Variants in PLA2G2F observed in about 807,000 individuals in gnomAD.
PLA2G2F encodes the protein group IIF secretory phospholipase A2.
A neutral mutation model predicts 15.9 loss-of-function variants in PLA2G2F; 17 were observed. The ratio of observed to expected loss-of-function variants is 1.07; its 90% CI spans 0.73 to 1.60. The LOEUF is 1.60. PLA2G2F is among the 40% of genes most tolerant of loss of function. PLA2G2F has a pLI of 0.00. For synonymous variants in PLA2G2F, 119 were observed against 106.5 expected (o/e 1.12, Z -0.72); for missense variants, 299 against 278.2 (o/e 1.07, Z -0.53).
Position 20,149,391 on chromosome 1 carries a change from G to A in PLA2G2F, c.*990G>A, listed in dbSNP as rs2017683884. 1 of 152,340 alleles carries A rather than the reference G, an allele frequency of 6.6e-6. No homozygotes were observed. The highest frequency in any genetic ancestry group is 6.5e-5 in the Admixed American group (1 of 15,292). 9.4% of individuals were successfully genotyped at this position (152,340 alleles called of 1,614,324 possible). On this transcript the variant is annotated 3_prime_UTR_variant, in exon 5 of 5. Coordinates refer to ENST00000375102, the MANE Select transcript of PLA2G2F (RefSeq NM_022819.4). ...CTGGAACAGCAGCCAGAACACCGGA[G>A]GGGGACCCACACCCTCTCTCCCTGG...
chr1:20,143,392 G>A (rs2017516213), intron 2 of PLA2G2F, 54 bp from the exon 3 acceptor site: 1 of 1,592,136 alleles, frequency 6.3e-7, no homozygotes, highest in Non-Finnish European at 8.6e-7. Context: ...GAGAGAGGCT[G>A]GGAGCGGCCA....
At chr1:20,140,313 C>A in intron 2 of PLA2G2F, 95 bp downstream of exon 2, 1 of 1,354,314 alleles carries the variant, frequency 7.4e-7, no homozygotes, top group Non-Finnish European at 1.0e-6. Flanking sequence ...ACTGACCAGC[C>A]TAGGTTCCTT....
chr1:20,141,071 G>A (rs1025829318), intron 2 of PLA2G2F: 3 of 152,266 alleles, frequency 2.0e-5, no homozygotes, highest in African/African-American at 7.2e-5. Flanking sequence ...AGACGTGAGA[G>A]AGGGCTGGTT....
Position 20,140,168 on chromosome 1 carries a change from C to G in PLA2G2F, c.119C>G (p.Ser40Cys), listed in dbSNP as rs1171731893. 1 of 1,613,800 alleles carries G rather than the reference C, an allele frequency of 6.2e-7. No individual in the cohort carries two copies. Among genetic ancestry groups the G allele is most frequent in the Non-Finnish European group, 8.5e-7 (1 of 1,179,862 alleles). ...GASCPSRTSRSSLGMKKFFTV... is the reference protein window; with the variant it reads ...GASCPSRTSRCSLGMKKFFTV... ...CTCCGGGTTTCGTCCTCCCTCAGGT[C>G]TAGCCTGGGTATGAAGAAGTTCTTC... Residue 40 changes from serine (S) to cysteine (C), a missense_variant and splice_region_variant, in exon 2 of 5, where the codon TCT becomes TGT. By Grantham distance (112) the Ser-to-Cys change is moderately radical. Transcript: ENST00000375102.
intron 4 of PLA2G2F, 70 bp from the exon 5 acceptor site, chr1:20,148,120 C>T: frequency 7.7e-7 from 1 of 1,291,122 alleles, no homozygotes; most frequent in Non-Finnish European, 1.1e-6. Context: ...TGCTCCCCTT[C>T]CCCAGCAGTA....
chr1:20,143,647 A>G (rs756333740), intron 3 of PLA2G2F, 57 bp downstream of exon 3: 4 of 1,585,910 alleles, frequency 2.5e-6, no homozygotes, highest in Non-Finnish European at 3.4e-6. Flanking sequence ...GCTGAAGGTC[A>G]GACTGACCTT....
In PLA2G2F at chr1:20,148,515, C is replaced by G. The variant is rs2017662388; in HGVS notation, c.*114C>G. ...CCTGAGGGTTGCTGGTTGCCTCCTC[C>G]CTGGAGCTCTCCAGTGAGGGCTCAG... On this transcript the variant is annotated 3_prime_UTR_variant, in exon 5 of 5. Coordinates refer to ENST00000375102, the MANE Select transcript of PLA2G2F (RefSeq NM_022819.4). 1 of 834,754 alleles carries G rather than the reference C, an allele frequency of 1.2e-6. No homozygotes were observed. The highest frequency in any genetic ancestry group is 2.6e-5 in the East Asian group (1 of 37,954). 51.7% of individuals were successfully genotyped at this position (834,754 alleles called of 1,614,324 possible).
chr1:20,144,578 A>T lies in PLA2G2F; in HGVS notation c.315-2A>T, dbSNP rs1431561962. 6.2e-7 allele frequency: 1 copy of T among 1,606,868 alleles called. No individual in the cohort carries two copies. Among genetic ancestry groups the T allele is most frequent in the Non-Finnish European group, 8.5e-7 (1 of 1,176,286 alleles). On this transcript the variant is annotated splice_acceptor_variant, in intron 3 of 4. Coordinates refer to ENST00000375102, the MANE Select transcript of PLA2G2F (RefSeq NM_022819.4). LOFTEE classifies it high-confidence loss of function. ...TGTCCACTCACCTCTGCCGCTCCCT[A>T]GGTGCTGCCACGCCCACGACTGCTG...
At chr1:20,146,734 C>T (rs908787559) in intron 4 of PLA2G2F, among the ~76,000 whole-genome samples, 5 of 152,122 alleles carry the variant, frequency 3.3e-5, no homozygotes, top group Admixed American at 3.3e-4. Context: ...ACTTGGGACC[C>T]CTTGGGGGCC....
chr1:20,139,543 G>A lies in PLA2G2F; in HGVS notation c.116G>A (p.Arg39Lys). 1 of 1,518,604 alleles carries A rather than the reference G, an allele frequency of 6.6e-7. No homozygotes were observed. The allele number at this position is 1,518,604 out of a possible 1,614,324, so 94.1% of individuals were successfully genotyped here. A position where few individuals can be genotyped will look rare whatever the true frequency, so the allele number is the denominator to read the frequency against. Reference sequence around the variant, plus strand: ...GCCTCCTGTCCTTCAAGAACCTCCAGGTAGGTGCCTGTTGCCCTGAGATGG... The same window carrying A: ...GCCTCCTGTCCTTCAAGAACCTCCAAGTAGGTGCCTGTTGCCCTGAGATGG... ...FGASCPSRTSRSSLGMKKFFT... is the reference protein window; with the variant it reads ...FGASCPSRTSKSSLGMKKFFT... The change falls in exon 1 of 5, where the codon AGG becomes AAG. Residue 39 changes from arginine (R) to lysine (K), a missense_variant and splice_region_variant. Arg to Lys is a conservative substitution (Grantham distance 26). Transcript: ENST00000375102.
At position 20,143,605 on chromosome 1, in the gene PLA2G2F, C is replaced by A. The variant is rs1312794383; in HGVS notation, c.314+15C>A. ...GAGGTGGACTGGTAGGTACCAGAGGCCTGGGCTCCTGTCAGGGGCCAAATG... is the reference window on the plus strand; with the variant it reads ...GAGGTGGACTGGTAGGTACCAGAGGACTGGGCTCCTGTCAGGGGCCAAATG... On this transcript the variant is annotated intron_variant, in intron 3 of 4. Transcript: ENST00000375102. The A allele has an allele frequency of 6.2e-7, 1 of 1,610,826 alleles. No homozygotes were observed. Among genetic ancestry groups the A allele is most frequent in the Non-Finnish European group, 8.5e-7 (1 of 1,177,614 alleles).
At position 20,148,785 on chromosome 1, in the gene PLA2G2F, A is replaced by T. The variant is rs1305637215; in HGVS notation, c.*384A>T. ...AGCCTTAGAAAGTCTGGGCCTGAGCATCCAGGCCCAGAGCTGGATGCATCC... is the reference window on the plus strand; with the variant it reads ...AGCCTTAGAAAGTCTGGGCCTGAGCTTCCAGGCCCAGAGCTGGATGCATCC... On this transcript the variant is annotated 3_prime_UTR_variant, in exon 5 of 5. Transcript: ENST00000375102. The T allele has an allele frequency of 2.4e-5, 5 of 208,344 alleles. No individual in the cohort carries two copies. Among genetic ancestry groups the T allele is most frequent in the Non-Finnish European group, 4.9e-5 (5 of 102,940 alleles). The allele number at this position is 208,344 out of a possible 1,614,324, so 12.9% of individuals were successfully genotyped here.
At position 20,143,503 on chromosome 1, in the gene PLA2G2F, C is replaced by T. The variant is rs1353344231; in HGVS notation, c.227C>T (p.Thr76Ile). 5 of 1,613,948 alleles carry T rather than the reference C, an allele frequency of 3.1e-6. No individual in the cohort carries two copies. Among genetic ancestry groups the T allele is most frequent in the African/African-American group, 2.7e-5 (2 of 74,928 alleles). Residue 76 changes from threonine to isoleucine, a missense_variant, in exon 3 of 5, where the codon ACA (threonine) becomes ATA (isoleucine). Physicochemically the swap from Thr to Ile is moderately conservative, Grantham distance 89 (BLOSUM62 -1). Coordinates refer to ENST00000375102, the MANE Select transcript of PLA2G2F (RefSeq NM_022819.4). ...CTGAAGGCCATGGTGGAGGCCGTCA[C>T]AGGGAGGAGCGCCATCCTGTCCTTC... Reference protein sequence around the residue: ...LNLKAMVEAVTGRSAILSFVG... With the variant: ...LNLKAMVEAVIGRSAILSFVG...
chr1:20,139,883 G>T (rs528521355), intron 1 of PLA2G2F, among the ~76,000 whole-genome samples: 4 of 152,238 alleles, frequency 2.6e-5, no homozygotes, highest in African/African-American at 9.6e-5. Flanking sequence ...TGGGAGGTCT[G>T]GCCTGAGACA....
chr1:20,141,945 T>C (rs1385039089), intron 2 of PLA2G2F: 1 of 152,266 alleles, frequency 6.6e-6, no homozygotes, highest in Non-Finnish European at 1.5e-5. Flanking sequence ...GGCTTGGTTA[T>C]TGGCCTAGGT....
chr1:20,148,097 C>T, intron 4 of PLA2G2F, 93 bp from the exon 5 acceptor site: 6 of 1,084,860 alleles, frequency 5.5e-6, no homozygotes, highest in Admixed American at 5.2e-5. Context: ...CCACTGGGCT[C>T]TCCAAGTCTG....
At chr1:20,140,612 A>T (rs1375799884) in intron 2 of PLA2G2F, 1 of 194,750 alleles carries the variant, frequency 5.1e-6, no homozygotes, top group African/African-American at 2.3e-5. Context: ...TGTGTGCAAC[A>T]TGCATCCATA....
At position 20,144,596 on chromosome 1, in the gene PLA2G2F, G is replaced by T. The variant is rs759763555; in HGVS notation, c.331G>T (p.Asp111Tyr). 1 of 1,610,992 alleles carries T rather than the reference G, an allele frequency of 6.2e-7. No individual in the cohort carries two copies. The highest frequency in any genetic ancestry group is 1.3e-5 in the African/African-American group (1 of 74,848). ...DEVDWCCHAH[D>Y]CCYQELFDQG... ...GCTCCCTAGGTGCTGCCACGCCCACGACTGCTGCTACCAGGAACTCTTTGA... is the reference window on the plus strand; with the variant it reads ...GCTCCCTAGGTGCTGCCACGCCCACTACTGCTGCTACCAGGAACTCTTTGA... Residue 111 changes from aspartate (D) to tyrosine (Y), a missense_variant, in exon 4 of 5, where the codon GAC (aspartate) becomes TAC (tyrosine). By Grantham distance (160) the Asp-to-Tyr change is radical. Coordinates refer to ENST00000375102, the MANE Select transcript of PLA2G2F (RefSeq NM_022819.4).
intron 2 of PLA2G2F, chr1:20,142,284 G>T (rs374311561): frequency 6.6e-6 from 1 of 152,456 alleles, no homozygotes; most frequent in South Asian, 2.1e-4. Context: ...CAGCTCCGCA[G>T]TACACAAACC....
Sources: gnomAD v4.1 joint callset for allele counts (sites outside exome capture counted in the v4.1 genomes callset) on GRCh38, gnomAD v4.1.1 for gene constraint, MANE v1.5 for transcripts, NCBI Gene and HGNC (gene_info 2026-07-23, HGNC 2026-07-21) for gene names.